GALNT2: variants seen among roughly 807,000 people sequenced by gnomAD.
GALNT2 encodes polypeptide N-acetylgalactosaminyltransferase 2, also known as UDP-GalNAc:polypeptide N-acetylgalactosaminyltransferase 2.
GALNT2 carries 31 observed loss-of-function variants against 81.4 expected under a neutral mutation model. That is an observed-to-expected ratio of 0.38 (90% CI 0.29 to 0.51). The LOEUF (loss-of-function observed/expected upper bound fraction) is 0.51. Ranked by LOEUF, GALNT2 falls within the 20% of genes least tolerant of loss-of-function variation. The pLI is 0.87. For missense variants in GALNT2, 629 were observed against 765.7 expected, an observed-to-expected ratio of 0.82 and a Z score of 2.11; for synonymous variants, 303 against 287.4, an observed-to-expected ratio of 1.05 and a Z score of -0.55.
chr1:230,240,481 A>G (rs930884216), intron 6 of GALNT2, among the ~76,000 whole-genome samples: 6 of 152,114 alleles, frequency 3.9e-5, no homozygotes, highest in African/African-American at 1.2e-4. Context: ...AGTCCCAGCT[A>G]CTCGGGAGAC....
At position 230,154,731 on chromosome 1, in the gene GALNT2, A is replaced by T. The variant is rs568896226; in HGVS notation, c.127-23487A>T. Among the ~76,000 whole-genome samples the T allele has an allele frequency of 1.4e-4, 22 of 152,230 alleles. No individual in the cohort carries two copies. In the South Asian group the frequency reaches 4.4e-3, roughly 30 times the overall value. On this transcript the variant is annotated intron_variant, in intron 1 of 15. Coordinates refer to ENST00000366672, the MANE Select transcript of GALNT2 (RefSeq NM_004481.5). ...GCCAAGGAGAGAGGCCTGGAACAGC[A>T]TCTTCCCCCATGGCCCTCGGAAGGA...
At chr1:230,210,503 G>A (rs1468413171) in intron 3 of GALNT2, among the ~76,000 whole-genome samples, 4 of 152,136 alleles carry the variant, frequency 2.6e-5, no homozygotes, top group Admixed American at 6.5e-5. Flanking sequence ...TGTGTCTCAC[G>A]CTGAAATACC....
At chr1:230,111,621 C>T (rs1427686834) in intron 1 of GALNT2, among the ~76,000 whole-genome samples, 1 of 152,198 alleles carries the variant, frequency 6.6e-6, no homozygotes, top group Non-Finnish European at 1.5e-5. Context: ...ATCCCAGAGC[C>T]GATACTTGAA....
chr1:230,276,805 G>A (rs978895399), intron 15 of GALNT2, among the ~76,000 whole-genome samples: 1 of 152,176 alleles, frequency 6.6e-6, no homozygotes, highest in Non-Finnish European at 1.5e-5. Flanking sequence ...GGCTAGCACC[G>A]CTTGGACCCA....
chr1:230,067,300 T>C lies in GALNT2; in HGVS notation c.20T>C (p.Met7Thr). The C allele has an allele frequency of 2.2e-6, 3 of 1,368,946 alleles. No homozygotes were observed. Among genetic ancestry groups the C allele is most frequent in the Non-Finnish European group, 2.9e-6 (3 of 1,047,580 alleles). The allele number at this position is 1,368,946 out of a possible 1,614,324, so 84.8% of individuals were successfully genotyped here. Residue 7 changes from methionine (M) to threonine (T), a missense_variant, in exon 1 of 16, where the codon ATG (methionine) becomes ACG (threonine). Around this residue, in one of 3 missense-constraint regions of GALNT2, gnomAD observed 62 missense variants for 47.3 expected, o/e 1.31. Transcript: ENST00000366672. ...GGGAGAATGCGGCGGCGCTCGCGGATGCTGCTCTGCTTCGCCTTCCTGTGG... is the reference window on the plus strand; with the variant it reads ...GGGAGAATGCGGCGGCGCTCGCGGACGCTGCTCTGCTTCGCCTTCCTGTGG... MRRRSR[M>T]LLCFAFLWVL...
chr1:230,059,343 G>A (rs889571507), intron 1 of GALNT2, among the ~76,000 whole-genome samples: 7 of 152,198 alleles, frequency 4.6e-5, no homozygotes, highest in African/African-American at 1.7e-4. Flanking sequence ...ATGTTACATT[G>A]ATAAATGACA....
At chr1:230,197,434 G>A (rs1396080092) in intron 2 of GALNT2, among the ~76,000 whole-genome samples, 2 of 152,072 alleles carry the variant, frequency 1.3e-5, no homozygotes, top group Non-Finnish European at 2.9e-5. Flanking sequence ...TCGCCCCCCC[G>A]GGGTCAGTTG....
At chr1:230,128,827 T>C (rs531966590) in intron 1 of GALNT2, among the ~76,000 whole-genome samples, 1 of 152,280 alleles carries the variant, frequency 6.6e-6, no homozygotes, top group African/African-American at 2.4e-5. Context: ...TTCCTATATG[T>C]GGGGTGCCCC....
At chr1:230,085,629 C>A (rs1659876110) in intron 1 of GALNT2, among the ~76,000 whole-genome samples, 1 of 152,164 alleles carries the variant, frequency 6.6e-6, no homozygotes. Context: ...TGATCCAGTT[C>A]ATCACTGGAA....
At chr1:230,161,446 G>A (rs559140840) in intron 1 of GALNT2, among the ~76,000 whole-genome samples, 47 of 152,352 alleles carry the variant, frequency 3.1e-4, no homozygotes, top group Middle Eastern at 3.4e-3. Flanking sequence ...TCCAGAGGCC[G>A]ACTCCAGCTG....
intron 10 of GALNT2, among the ~76,000 whole-genome samples, chr1:230,251,397 C>T (rs1239951684): frequency 1.3e-5 from 2 of 152,060 alleles, no homozygotes; most frequent in African/African-American, 2.4e-5. Context: ...GTTTTTGTTA[C>T]TTTAAAAGAA....
intron 1 of GALNT2, among the ~76,000 whole-genome samples, chr1:230,162,742 G>T (rs1033403530): frequency 6.6e-6 from 1 of 152,214 alleles, no homozygotes; most frequent in Admixed American, 6.5e-5. Context: ...CTCCATTCCA[G>T]AGAGGGTCTT....
chr1:230,215,518 T>C (rs1664362449), intron 3 of GALNT2, among the ~76,000 whole-genome samples: 1 of 152,254 alleles, frequency 6.6e-6, no homozygotes, highest in African/African-American at 2.4e-5. Flanking sequence ...CAAGGAACTT[T>C]ACTGTCACTG....
chr1:230,177,909 C>A (rs1183079590), intron 1 of GALNT2, among the ~76,000 whole-genome samples: 2 of 152,210 alleles, frequency 1.3e-5, no homozygotes, highest in Non-Finnish European at 2.9e-5. Flanking sequence ...GCTTCCCCAC[C>A]CTCACAAATC....
At chr1:230,138,072 A>C (rs1032037801) in intron 1 of GALNT2, among the ~76,000 whole-genome samples, 2 of 152,210 alleles carry the variant, frequency 1.3e-5, no homozygotes, top group African/African-American at 4.8e-5. Context: ...CGTCTTTTCC[A>C]GACCTCTGTC....
chr1:230,120,218 C>T (rs1322500489), intron 1 of GALNT2, among the ~76,000 whole-genome samples: 1 of 152,166 alleles, frequency 6.6e-6, no homozygotes, highest in African/African-American at 2.4e-5. Flanking sequence ...TTCTCCAGGC[C>T]TCAGCAGCTG....
At chr1:230,242,466 A>C (rs183094020) in intron 6 of GALNT2, among the ~76,000 whole-genome samples, 4 of 152,198 alleles carry the variant, frequency 2.6e-5, no homozygotes, top group African/African-American at 9.7e-5. Flanking sequence ...TAGAAAGCCC[A>C]GCATATATAG....
At chr1:230,139,708 C>T (rs1480544548) in intron 1 of GALNT2, among the ~76,000 whole-genome samples, 1 of 152,210 alleles carries the variant, frequency 6.6e-6, no homozygotes, top group South Asian at 2.1e-4. Context: ...AAGCAAAGCA[C>T]TGCGAGCGTA....
At position 230,275,188 on chromosome 1, in the gene GALNT2, T is replaced by C. The variant is rs1271656406; in HGVS notation, c.1560+624T>C. Among the ~76,000 whole-genome samples the C allele has an allele frequency of 6.6e-6, 1 of 151,320 alleles. No homozygotes were observed. The highest frequency in any genetic ancestry group is 6.6e-5 in the Admixed American group (1 of 15,160). On this transcript the variant is annotated intron_variant, in intron 15 of 15. Coordinates refer to ENST00000366672, the MANE Select transcript of GALNT2 (RefSeq NM_004481.5). This position sits in a 1 kb window ranked among gnomAD's most constrained non-coding sequence, Gnocchi z 5.5. Reference sequence around the variant, plus strand: ...CATATACCTGCCACATATATACATATATAAACACCACATATATATACATAT... The same window carrying C: ...CATATACCTGCCACATATATACATACATAAACACCACATATATATACATAT...
Sources: allele counts gnomAD v4.1 joint callset (sites outside exome capture counted in the v4.1 genomes callset), GRCh38; gene constraint gnomAD v4.1.1; regional missense constraint gnomAD v4.1.1; non-coding constraint Gnocchi (gnomAD v3.1); transcripts MANE v1.5; gene names NCBI Gene and HGNC (gene_info 2026-07-23, HGNC 2026-07-21).